Variants in GLI2 observed in about 807,000 individuals in gnomAD.
The protein encoded by GLI2 is GLI family zinc finger 2.
In GLI2, 22 loss-of-function variants were observed where a neutral mutation model predicts 78.9. That is an observed-to-expected ratio of 0.28 (90% CI 0.20 to 0.40). GLI2 has a LOEUF of 0.40. Ranked by LOEUF, GLI2 falls within the 10% of genes least tolerant of loss-of-function variation. GLI2 has a pLI of 1.00. For missense variants in GLI2, 2,097 were observed against 2,213.2 expected, an observed-to-expected ratio of 0.95 and a Z score of 1.05; for synonymous variants, 974 against 963.7, an observed-to-expected ratio of 1.01 and a Z score of -0.20.
chr2:120,745,649 C>T (rs898595234), intron 1 of GLI2, among the ~76,000 whole-genome samples: 2 of 152,144 alleles, frequency 1.3e-5, no homozygotes, highest in African/African-American at 4.8e-5. Context: ...GGCTTTGATT[C>T]ATACAGTTTT....
intron 4 of GLI2, among the ~76,000 whole-genome samples, chr2:120,952,442 C>T (rs1478314530): frequency 6.6e-6 from 1 of 152,094 alleles, no homozygotes; most frequent in East Asian, 1.9e-4. Context: ...GGTGTGACCA[C>T]GAGTTGAAGC....
At chr2:120,740,807 T>C (rs943841372) in intron 1 of GLI2, among the ~76,000 whole-genome samples, 2 of 152,262 alleles carry the variant, frequency 1.3e-5, no homozygotes, top group Non-Finnish European at 2.9e-5. Flanking sequence ...TAGCACGGGA[T>C]TGGGATTGAT....
At position 120,990,585 on chromosome 2, in the gene GLI2, C is replaced by A. The variant is rs564254987; in HGVS notation, c.4620C>A (p.Pro1540=). The change falls in exon 14 of 14, where the codon CCC becomes CCA. Residue 1540 remains proline, a synonymous_variant. Transcript: ENST00000361492. ...ACTCCTTGACCCTGCCCTCCATCCC[C>A]GCAGGCATCAGCAACATGGCTGTCG... ...PRNSLTLPSI[P]AGISNMAVGD... is the part of the protein sequence containing the mutation. 1 of 1,614,012 alleles carries A rather than the reference C, an allele frequency of 6.2e-7. No individual in the cohort carries two copies. Among genetic ancestry groups the A allele is most frequent in the Non-Finnish European group, 8.5e-7 (1 of 1,179,962 alleles).
chr2:120,887,362 G>A (rs1677462828), intron 2 of GLI2, among the ~76,000 whole-genome samples: 1 of 152,250 alleles, frequency 6.6e-6, no homozygotes, highest in South Asian at 2.1e-4. Context: ...ATTCCAGCCG[G>A]AGCCTGGAGC....
intron 2 of GLI2, among the ~76,000 whole-genome samples, chr2:120,879,039 A>AGT (rs1363142457): frequency 6.6e-6 from 1 of 152,090 alleles, no homozygotes; most frequent in African/African-American, 2.4e-5. Context: ...TGGAGAGGAT[A>AGT]GTGTGTGTCT....
chr2:120,787,764 C>T (rs547549008), intron 1 of GLI2, among the ~76,000 whole-genome samples: 6 of 152,342 alleles, frequency 3.9e-5, no homozygotes, highest in Admixed American at 6.5e-5. Context: ...GCTGGGTCAG[C>T]GGTGCTGGGG....
At chr2:120,909,139 G>C (rs1018937398) in intron 2 of GLI2, among the ~76,000 whole-genome samples, 1 of 152,108 alleles carries the variant, frequency 6.6e-6, no homozygotes, top group African/African-American at 2.4e-5. Flanking sequence ...TCATTCATTG[G>C]GAATAAATGC....
In GLI2 at chr2:120,989,277, C is replaced by T. The variant is rs1683159323; in HGVS notation, c.3312C>T (p.Ala1104=). 6.8e-6 allele frequency: 11 copies of T among 1,613,130 alleles called. No homozygotes were observed. Among genetic ancestry groups the T allele is most frequent in the Non-Finnish European group, 9.3e-6 (11 of 1,180,026 alleles). ...CGGACTCCAACGTGGGCCCCTCCGC[C>T]CCTATGCTGGGAGGATGCCAGTTAG... The part of the protein sequence containing the change: ...VAADSNVGPS[A]PMLGGCQLGF... The change falls in exon 14 of 14, where the codon GCC becomes GCT. Residue 1104 remains alanine (A), a synonymous_variant. Coordinates refer to ENST00000361492, the MANE Select transcript of GLI2 (RefSeq NM_001374353.1).
chr2:120,920,316 G>A (rs574802384), intron 2 of GLI2, among the ~76,000 whole-genome samples: 7 of 152,366 alleles, frequency 4.6e-5, no homozygotes, highest in African/African-American at 1.4e-4. Context: ...GACTTCATCC[G>A]AGGAGAATTC....
intron 1 of GLI2, among the ~76,000 whole-genome samples, chr2:120,768,799 C>CTGTG (rs5833852): frequency 0.19 from 28,007 of 147,584 alleles, 2,762 homozygotes; most frequent in Non-Finnish European, 0.24. Flanking sequence ...GGCCCCGCCC[C>CTGTG]TGTGTGTGTG....
chr2:120,846,402 C>T (rs1573470969), intron 2 of GLI2, among the ~76,000 whole-genome samples: 1 of 152,152 alleles, frequency 6.6e-6, no homozygotes, highest in Admixed American at 6.5e-5. Flanking sequence ...GGGAGGTGCC[C>T]AGGTATCTGC....
intron 1 of GLI2, among the ~76,000 whole-genome samples, chr2:120,786,331 G>T (rs1431868020): frequency 6.6e-6 from 1 of 152,106 alleles, no homozygotes; most frequent in African/African-American, 2.4e-5. Flanking sequence ...ATTGTTTGAA[G>T]AGGTGAGATT....
chr2:120,978,048 G>A (rs1254492744), intron 9 of GLI2, among the ~76,000 whole-genome samples: 2 of 152,186 alleles, frequency 1.3e-5, no homozygotes, highest in Non-Finnish European at 2.9e-5. Context: ...CAGCCTGGGA[G>A]CGTCATCACA....
At chr2:120,791,963 G>A (rs796494976) in intron 1 of GLI2, among the ~76,000 whole-genome samples, 6 of 152,268 alleles carry the variant, frequency 3.9e-5, no homozygotes, top group African/African-American at 1.4e-4. Context: ...GCCTATGCGT[G>A]TGGGTCCTGG....
intron 3 of GLI2, among the ~76,000 whole-genome samples, chr2:120,931,735 A>G (rs1329034595): frequency 6.6e-6 from 1 of 152,222 alleles, no homozygotes; most frequent in Admixed American, 6.5e-5. Flanking sequence ...ATTGAGGCTC[A>G]GAGAGGCACA....
At chr2:120,834,440 T>C (rs995644946) in intron 2 of GLI2, among the ~76,000 whole-genome samples, 1 of 152,172 alleles carries the variant, frequency 6.6e-6, no homozygotes, top group African/African-American at 2.4e-5. Context: ...GGCAGAGGCA[T>C]GTGGCCTCCC....
At chr2:120,886,305 C>T (rs1160248542) in intron 2 of GLI2, among the ~76,000 whole-genome samples, 1 of 151,624 alleles carries the variant, frequency 6.6e-6, no homozygotes, top group Non-Finnish European at 1.5e-5. Flanking sequence ...TTGCTGTTTG[C>T]CCAGGCTGGA....
intron 1 of GLI2, among the ~76,000 whole-genome samples, chr2:120,775,497 T>A (rs1027900929): frequency 1.3e-5 from 2 of 152,168 alleles, no homozygotes; most frequent in Non-Finnish European, 2.9e-5. Flanking sequence ...GAGACGCCCT[T>A]CCTGGCGTTT....
At chr2:120,946,636 G>C (rs903481354) in intron 3 of GLI2, among the ~76,000 whole-genome samples, 2 of 152,204 alleles carry the variant, frequency 1.3e-5, no homozygotes, top group South Asian at 4.1e-4. Flanking sequence ...TGCTGCTGGG[G>C]TCAGCCTGAA....
Sources: gnomAD v4.1 joint callset for allele counts (sites outside exome capture counted in the v4.1 genomes callset) on GRCh38, gnomAD v4.1.1 for gene constraint, MANE v1.5 for transcripts, NCBI Gene and HGNC (gene_info 2026-07-23, HGNC 2026-07-21) for gene names.